HERC2: variants seen among roughly 807,000 people sequenced by gnomAD.
HERC2 encodes the protein HECT and RLD domain containing E3 ubiquitin protein ligase 2.
A neutral mutation model predicts 537.7 loss-of-function variants in HERC2; 102 were observed. The observed-to-expected ratio is 0.19, with a 90% CI of 0.16 to 0.22. The LOEUF is 0.22. HERC2 is among the 10% of genes least tolerant of loss of function. HERC2 has a pLI of 1.00. For missense variants in HERC2, 4,236 were observed against 6,198.2 expected (o/e 0.68, Z 10.63); for synonymous variants, 2,224 against 2,466.2 (o/e 0.90, Z 2.91).
chr15:28,142,828 T>C lies in HERC2; in HGVS notation c.11543A>G (p.Lys3848Arg). Residue 3848 changes from lysine (K) to arginine (R), a missense_variant and splice_region_variant, in exon 75 of 93, where the codon AAG (lysine) becomes AGG (arginine). By Grantham distance (26) the Lys-to-Arg change is conservative (BLOSUM62 2). This residue lies in a region of HERC2 where 23 missense variants were observed against 60.0 expected (regional missense o/e 0.38). Coordinates refer to ENST00000261609, the MANE Select transcript of HERC2 (RefSeq NM_004667.6). Reference protein sequence around the residue: ...GKQLLHSPFFKVLVALACDLE... With the variant: ...GKQLLHSPFFRVLVALACDLE... Reference sequence around the variant, plus strand: ...TTTAAAAAAGAAGTGAAACATTACCTTAAAGAATGGGCTGTGGAGCAGCTG... The same window carrying C: ...TTTAAAAAAGAAGTGAAACATTACCCTAAAGAATGGGCTGTGGAGCAGCTG... 1 of 1,539,052 alleles carries C rather than the reference T, an allele frequency of 6.5e-7. No homozygotes were observed. Among genetic ancestry groups the C allele is most frequent in the Non-Finnish European group, 8.8e-7 (1 of 1,134,766 alleles).
chr15:28,135,129 C>T (rs908957274), intron 79 of HERC2, among the ~76,000 whole-genome samples: 3 of 152,034 alleles, frequency 2.0e-5, no homozygotes, highest in Admixed American at 6.6e-5. Context: ...TCTTCCTCAC[C>T]CCTGCTATTT....
chr15:28,206,992 A>G (rs1003071179), intron 44 of HERC2, among the ~76,000 whole-genome samples: 1 of 151,230 alleles, frequency 6.6e-6, no homozygotes, highest in African/African-American at 2.4e-5. Flanking sequence ...GCCTGGTGAC[A>G]GAGCGAGACT....
In HERC2 at chr15:28,265,418, G is replaced by A. The variant is rs1370758237; in HGVS notation, c.1870+200C>T. ...AAATGCCCACACAGGAACGGCGGCA[G>A]CTGCTAACCAGCTGAGAGGCCTCAG... On this transcript the variant is annotated intron_variant, in intron 14 of 92. Coordinates refer to ENST00000261609, the MANE Select transcript of HERC2 (RefSeq NM_004667.6). The surrounding 1 kb of genome is among the most constrained non-coding windows in gnomAD (Gnocchi z 4.0). Among the ~76,000 whole-genome samples the A allele has an allele frequency of 6.6e-6, 1 of 152,166 alleles. No individual in the cohort carries two copies. Among genetic ancestry groups the A allele is most frequent in the Non-Finnish European group, 1.5e-5 (1 of 68,030 alleles).
chr15:28,196,483 G>A lies in HERC2; in HGVS notation c.8098C>T (p.Pro2700Ser). The A allele has an allele frequency of 6.2e-7, 1 of 1,612,864 alleles. No homozygotes were observed. Among genetic ancestry groups the A allele is most frequent in the Non-Finnish European group, 8.5e-7 (1 of 1,178,964 alleles). The change falls in exon 51 of 93, where the codon CCC (proline) becomes TCC (serine). Residue 2700 changes from proline (P) to serine (S), a missense_variant. Pro to Ser is a moderately conservative substitution (Grantham distance 74, BLOSUM62 -1). This residue lies in a region of HERC2 where 606 missense variants were observed against 884.5 expected (regional missense o/e 0.69). Transcript: ENST00000261609. ...CACGTAACCCCAGGATGAATACTGGGTACCAACTCCATTTCTGATAGCAAC... is the reference window on the plus strand; with the variant it reads ...CACGTAACCCCAGGATGAATACTGGATACCAACTCCATTTCTGATAGCAAC... ...TGLLSEMELVPSIHPGVTCDG... is the reference protein window; with the variant it reads ...TGLLSEMELVSSIHPGVTCDG...
intron 22 of HERC2, 81 bp from the exon 23 acceptor site, chr15:28,246,147 T>C: frequency 1.2e-6 from 1 of 859,156 alleles, no homozygotes; most frequent in Admixed American, 3.0e-5. Context: ...GTTTAAATTC[T>C]GCTAAGTCAC....
At chr15:28,312,545 C>T (rs1362218601) in intron 2 of HERC2, among the ~76,000 whole-genome samples, 1 of 152,144 alleles carries the variant, frequency 6.6e-6, no homozygotes, top group African/African-American at 2.4e-5. Context: ...GCAGGACGGT[C>T]ACCTGCACCC....
chr15:28,231,905 A>G (rs1215688629), intron 30 of HERC2, among the ~76,000 whole-genome samples: 1 of 152,030 alleles, frequency 6.6e-6, no homozygotes, highest in Non-Finnish European at 1.5e-5. Context: ...AGGAAACTCT[A>G]AAAGTGACAG....
intron 70 of HERC2, among the ~76,000 whole-genome samples, chr15:28,151,667 G>T (rs928839723): frequency 6.6e-6 from 1 of 151,942 alleles, no homozygotes; most frequent in African/African-American, 2.4e-5. Flanking sequence ...CACTGAAGAG[G>T]CTGCCACTGT....
chr15:28,229,607 T>C lies in HERC2; in HGVS notation c.4984-11A>G. On this transcript the variant is annotated splice_polypyrimidine_tract_variant and intron_variant, in intron 32 of 92. Transcript: ENST00000261609. ...CTCTGCTCTCTCCAACTGCAAAATA[T>C]CAATGCATACAGTTAAGTGTTATGT... 6.2e-7 allele frequency: 1 copy of C among 1,606,248 alleles called. No homozygotes were observed. Among genetic ancestry groups the C allele is most frequent in the Non-Finnish European group, 8.5e-7 (1 of 1,174,338 alleles).
In HERC2 at chr15:28,260,953, C is replaced by G; in HGVS notation, c.2140G>C (p.Val714Leu). Residue 714 changes from valine (V) to leucine (L), a missense_variant, in exon 16 of 93, where the codon GTG becomes CTG. By Grantham distance (32) the Val-to-Leu change is conservative. Coordinates refer to ENST00000261609, the MANE Select transcript of HERC2 (RefSeq NM_004667.6). ...AGGCAGTGGGTGGAGCCTGCAGCCA[C>G]ATCAATCACCTTCTTCCCTACAAGG... ...EGLQGKKVIDVAAGSTHCLAL... is the reference protein window; with the variant it reads ...EGLQGKKVIDLAAGSTHCLAL... 1 of 1,613,846 alleles carries G rather than the reference C, an allele frequency of 6.2e-7. No homozygotes were observed. The highest frequency in any genetic ancestry group is 8.5e-7 in the Non-Finnish European group (1 of 1,179,836).
At chr15:28,166,961 C>A (rs77966553) in intron 68 of HERC2, among the ~76,000 whole-genome samples, 1 of 152,134 alleles carries the variant, frequency 6.6e-6, no homozygotes, top group Non-Finnish European at 1.5e-5. Context: ...AGAAGACAGA[C>A]GGATGAGAAG....
chr15:28,301,610 A>T (rs1177741185), intron 2 of HERC2, among the ~76,000 whole-genome samples: 2 of 147,296 alleles, frequency 1.4e-5, no homozygotes, highest in Non-Finnish European at 3.0e-5. Flanking sequence ...AAAACTGCGT[A>T]TGCGACAGAA....
At chr15:28,173,541 A>G (rs1244993961) in intron 65 of HERC2, among the ~76,000 whole-genome samples, 3 of 152,084 alleles carry the variant, frequency 2.0e-5, no homozygotes, top group South Asian at 4.2e-4. Context: ...GCTCCTGCCC[A>G]TAATCCCAGC....
At chr15:28,318,786 T>C (rs1416438056) in intron 2 of HERC2, among the ~76,000 whole-genome samples, 35 of 151,782 alleles carry the variant, frequency 2.3e-4, no homozygotes, top group African/African-American at 6.8e-4. Context: ...GTGCTCTCTA[T>C]AACACACAAG....
At chr15:28,155,602 TTG>T (rs1892920298) in intron 69 of HERC2, among the ~76,000 whole-genome samples, 2 of 148,856 alleles carry the variant, frequency 1.3e-5, no homozygotes. Context: ...CGCCCACTTG[TTG>T]ATGGGGTTGT....
At chr15:28,309,600 C>G (rs539077961) in intron 2 of HERC2, among the ~76,000 whole-genome samples, 2,819 of 151,846 alleles carry the variant, frequency 0.019, 14 homozygotes, top group African/African-American at 0.065. Context: ...GAGGGGCAGC[C>G]TCCAAGAGCC....
chr15:28,129,154 GCTC>G (rs1214267745), intron 83 of HERC2, among the ~76,000 whole-genome samples: 2 of 152,130 alleles, frequency 1.3e-5, no homozygotes, highest in African/African-American at 2.4e-5. Flanking sequence ...ACCGCCCCAC[GCTC>G]CTGATTCTCC....
intron 81 of HERC2, among the ~76,000 whole-genome samples, chr15:28,131,119 A>G (rs186988044): frequency 1.5e-4 from 23 of 152,138 alleles, no homozygotes; most frequent in Admixed American, 9.8e-4. Context: ...TCTCATATGT[A>G]AGTTCTTATA....
chr15:28,182,081 A>G (rs967263720), intron 57 of HERC2, among the ~76,000 whole-genome samples: 4 of 152,190 alleles, frequency 2.6e-5, no homozygotes, highest in African/African-American at 7.2e-5. Flanking sequence ...CTTTTTACAC[A>G]TTATTTTGTT....
Sources: gnomAD v4.1 joint callset for allele counts (sites outside exome capture counted in the v4.1 genomes callset) on GRCh38, gnomAD v4.1.1 for gene constraint, gnomAD v4.1.1 regional missense constraint, Gnocchi (gnomAD v3.1) non-coding constraint, MANE v1.5 for transcripts, NCBI Gene and HGNC (gene_info 2026-07-23, HGNC 2026-07-21) for gene names.